The following SLC6A15 variants were observed in gnomAD, a reference collection of about 807,000 sequenced individuals.
The protein encoded by SLC6A15 is solute carrier family 6 member 15.
Under a neutral mutation model 68.5 loss-of-function variants are expected in SLC6A15, and 33 were observed. That is an observed-to-expected ratio of 0.48 (90% CI 0.37 to 0.64). The LOEUF (loss-of-function observed/expected upper bound fraction) is 0.64, where lower values mean the gene tolerates loss of function less well. Ranked by LOEUF, SLC6A15 falls within the 30% of genes least tolerant of loss-of-function variation. The probability of loss-of-function intolerance (pLI) is 0.00; values close to 1 mark genes in which losing one functional copy is unlikely to be tolerated. For missense variants in SLC6A15, 747 were observed against 874.3 expected (o/e 0.85, Z 1.84); for synonymous variants, 347 against 301.0 (o/e 1.15, Z -1.58).
At position 84,881,458 on chromosome 12, in the gene SLC6A15, A is replaced by T. The variant is rs145764445; in HGVS notation, c.756+2401T>A. 1.4e-4 allele frequency: 139 copies of T among 985,420 alleles called. 1 individual carries two copies. The African/African-American group carries it at 2.3e-3, about 16-fold the overall frequency. The allele number at this position is 985,420 out of a possible 1,614,324, so 61.0% of individuals were successfully genotyped here. ...TTTGATCACTGAGCTGAAATTTCTC[A>T]TAATAAAAAGGAAAATACAAGATTT... On this transcript the variant is annotated intron_variant, in intron 5 of 11. Coordinates refer to ENST00000266682, the MANE Select transcript of SLC6A15 (RefSeq NM_182767.6).
chr12:84,903,746 T>C (rs536106095), intron 1 of SLC6A15, among the ~76,000 whole-genome samples: 2 of 152,268 alleles, frequency 1.3e-5, no homozygotes, highest in South Asian at 2.1e-4. Context: ...TCATGGCATG[T>C]AGGGCCCATC....
intron 1 of SLC6A15, among the ~76,000 whole-genome samples, chr12:84,899,023 C>T (rs1408044914): frequency 1.3e-5 from 2 of 152,186 alleles, no homozygotes; most frequent in Admixed American, 6.5e-5. Flanking sequence ...GTCTAACTGA[C>T]ATTCTAGCAA....
At chr12:84,882,938 C>T in intron 5 of SLC6A15, 10 of 804,224 alleles carry the variant, frequency 1.2e-5, no homozygotes, top group Non-Finnish European at 1.5e-5. Flanking sequence ...ATTATGACTA[C>T]TTCTACTATT....
rs375532113 is a variant in SLC6A15, at chr12:84,861,771, A to G, written c.2054T>C (p.Met685Thr). 1.4e-5 allele frequency: 22 copies of G among 1,613,824 alleles called. No homozygotes were observed. The highest frequency in any genetic ancestry group is 1.8e-5 in the Non-Finnish European group (21 of 1,179,914). The change falls in exon 12 of 12, where the codon ATG (methionine) becomes ACG (threonine). Residue 685 changes from methionine (M) to threonine (T), a missense_variant. Met to Thr is a moderately conservative substitution (Grantham distance 81). Coordinates refer to ENST00000266682, the MANE Select transcript of SLC6A15 (RefSeq NM_182767.6). ...SLIHGKIPSE[M>T]PSPNFGKNIY... ...ATTTTTACCAAAATTTGGAGATGGCATCTCGCTCGGTATTTTTCCGTGAAT... is the reference window on the plus strand; with the variant it reads ...ATTTTTACCAAAATTTGGAGATGGCGTCTCGCTCGGTATTTTTCCGTGAAT...
At chr12:84,890,114 A>T (rs1872320731) in intron 2 of SLC6A15, among the ~76,000 whole-genome samples, 2 of 152,204 alleles carry the variant, frequency 1.3e-5, no homozygotes. Flanking sequence ...TGGTACTGTA[A>T]CAACCATTCT....
chr12:84,887,112 T>C (rs1872145362), intron 2 of SLC6A15, among the ~76,000 whole-genome samples: 1 of 152,208 alleles, frequency 6.6e-6, no homozygotes, highest in Admixed American at 6.5e-5. Flanking sequence ...TATTATTAAA[T>C]GACCTCTTAG....
chr12:84,884,506 A>T (rs1247572874), intron 4 of SLC6A15, among the ~76,000 whole-genome samples: 2 of 152,010 alleles, frequency 1.3e-5, no homozygotes, highest in Non-Finnish European at 2.9e-5. Flanking sequence ...TTGTTTCACC[A>T]CATTGGCCAG....
At chr12:84,899,307 G>A (rs1269941585) in intron 1 of SLC6A15, among the ~76,000 whole-genome samples, 1 of 151,998 alleles carries the variant, frequency 6.6e-6, no homozygotes, top group Non-Finnish European at 1.5e-5. Context: ...TACTGCAAAA[G>A]GCATGCGTAG....
chr12:84,878,916 G>T (rs1871687715), intron 5 of SLC6A15, among the ~76,000 whole-genome samples: 1 of 151,792 alleles, frequency 6.6e-6, no homozygotes, highest in Non-Finnish European at 1.5e-5. Flanking sequence ...TCCAGATTCT[G>T]TTAGCTTTCC....
At chr12:84,883,655 T>C in intron 5 of SLC6A15, 2 of 1,482,490 alleles carry the variant, frequency 1.3e-6, no homozygotes, top group Non-Finnish European at 1.8e-6. Flanking sequence ...TAATTAACCT[T>C]AGATTTCACT....
intron 1 of SLC6A15, among the ~76,000 whole-genome samples, chr12:84,906,517 A>G (rs1248208913): frequency 6.6e-6 from 1 of 152,216 alleles, no homozygotes; most frequent in Middle Eastern, 3.2e-3. Context: ...GAATGATTCT[A>G]TCGAATTTTG....
At chr12:84,887,714 A>T (rs1451764745) in intron 2 of SLC6A15, among the ~76,000 whole-genome samples, 1 of 150,950 alleles carries the variant, frequency 6.6e-6, no homozygotes, top group Non-Finnish European at 1.5e-5. Context: ...GAGTAAGAAA[A>T]AAGAGAGAGA....
intron 1 of SLC6A15, among the ~76,000 whole-genome samples, chr12:84,894,508 AG>A (rs764424539): frequency 9.2e-5 from 14 of 152,134 alleles, no homozygotes; most frequent in Non-Finnish European, 1.6e-4. Context: ...AGTGTATCCA[AG>A]CTTAGAGATA....
intron 5 of SLC6A15, 138 bp from the exon 6 acceptor site, chr12:84,876,745 C>T (rs112940447): frequency 7.7e-5 from 38 of 495,850 alleles, no homozygotes; most frequent in African/African-American, 5.4e-4. Context: ...ACTTCTAAAG[C>T]CATTTTTTAA....
intron 4 of SLC6A15, among the ~76,000 whole-genome samples, chr12:84,884,819 TTAA>T (rs1472478306): frequency 6.6e-6 from 1 of 152,000 alleles, no homozygotes; most frequent in Non-Finnish European, 1.5e-5. Flanking sequence ...AATTATTATA[TTAA>T]TAATGTTTAG....
chr12:84,871,146 T>C (rs1313672184), intron 8 of SLC6A15, among the ~76,000 whole-genome samples: 1 of 151,556 alleles, frequency 6.6e-6, no homozygotes, highest in Admixed American at 6.6e-5. Flanking sequence ...TATATATATA[T>C]ACATATACAC....
chr12:84,904,177 A>G (rs568260962), intron 1 of SLC6A15, among the ~76,000 whole-genome samples: 6 of 147,274 alleles, frequency 4.1e-5, no homozygotes, highest in African/African-American at 1.5e-4. Context: ...GAAACCCCAC[A>G]TGGAAAGAGG....
chr12:84,909,798 T>A (rs987279947), intron 1 of SLC6A15, among the ~76,000 whole-genome samples: 1 of 152,190 alleles, frequency 6.6e-6, no homozygotes, highest in Non-Finnish European at 1.5e-5. Context: ...CTTTTGGGTC[T>A]GCTATTCTAA....
chr12:84,885,874 T>C (rs779073062), intron 3 of SLC6A15, 37 bp downstream of exon 3: 2 of 1,553,354 alleles, frequency 1.3e-6, no homozygotes, highest in East Asian at 2.3e-5. Context: ...TGAAACCCTA[T>C]AAAGATTACA....
Sources: gnomAD v4.1 joint callset for allele counts (sites outside exome capture counted in the v4.1 genomes callset) on GRCh38, gnomAD v4.1.1 for gene constraint, MANE v1.5 for transcripts, NCBI Gene and HGNC (gene_info 2026-07-23, HGNC 2026-07-21) for gene names.